NUDT18: variants seen among roughly 807,000 people sequenced by gnomAD.
NUDT18 encodes the protein 8-oxo-dGDP phosphatase NUDT18.
NUDT18 carries 26 observed loss-of-function variants against 27.6 expected under a neutral mutation model. That is an observed-to-expected ratio of 0.94 (90% CI 0.69 to 1.31). The LOEUF (loss-of-function observed/expected upper bound fraction) is 1.31. NUDT18 is among the 50% of genes most tolerant of loss of function. The pLI, the probability that NUDT18 is intolerant of heterozygous loss-of-function variation, is 0.00. For missense variants in NUDT18, 450 were observed against 433.4 expected (o/e 1.04, Z -0.34); for synonymous variants, 220 against 196.9 (o/e 1.12, Z -0.98).
Position 22,109,369 on chromosome 8 carries a change from G to GCTGCGGAGCCCGCTCCCGGTCC in NUDT18, c.-70_-69insGGACCGGGAGCGGGCTCCGCAG. On this transcript the variant is annotated 5_prime_UTR_variant, in exon 1 of 3. Coordinates refer to ENST00000611621, the MANE Select transcript of NUDT18 (RefSeq NM_024815.4). ...TGAGCCGAGCCGCGGGCTAGAGTGC[G>GCTGCGGAGCCCGCTCCCGGTCC]CTGCGGAGCCCGCTCCCAGTCCCTG... 1 of 712,746 alleles carries GCTGCGGAGCCCGCTCCCGGTCC rather than the reference G, an allele frequency of 1.4e-6. No homozygotes were observed. The highest frequency in any genetic ancestry group is 1.8e-6 in the Non-Finnish European group (1 of 557,186). 44.2% of individuals were successfully genotyped at this position (712,746 alleles called of 1,614,324 possible).
At position 22,107,404 on chromosome 8, in the gene NUDT18, C is replaced by T. The variant is rs750105633; in HGVS notation, c.868G>A (p.Val290Ile). Reference protein sequence around the residue: ...SPGIQDEPPKVRGENFSWWKV... With the variant: ...SPGIQDEPPKIRGENFSWWKV... ...CACCAAGAGAAGTTCTCACCCCGAACTTTTGGGGGTTCATCCTGGATCCCT... is the reference window on the plus strand; with the variant it reads ...CACCAAGAGAAGTTCTCACCCCGAATTTTTGGGGGTTCATCCTGGATCCCT... The change falls in exon 3 of 3, where the codon GTT becomes ATT. Residue 290 changes from valine to isoleucine, a missense_variant. Coordinates refer to ENST00000611621, the MANE Select transcript of NUDT18 (RefSeq NM_024815.4). The T allele has an allele frequency of 1.2e-6, 2 of 1,613,538 alleles. No individual in the cohort carries two copies. The highest frequency in any genetic ancestry group is 1.7e-6 in the Non-Finnish European group (2 of 1,179,858).
In NUDT18 at chr8:22,108,364, C is replaced by T. The variant is rs767041084; in HGVS notation, c.163-18G>A. ...ACCTCATCCTGAGAGGAGAGAGGAT[C>T]CTCACTTCCTGCCACAGCCTTCCCT... On this transcript the variant is annotated intron_variant, in intron 1 of 2. Transcript: ENST00000611621. 6.5e-7 allele frequency: 1 copy of T among 1,549,102 alleles called. No individual in the cohort carries two copies. Among genetic ancestry groups the T allele is most frequent in the Non-Finnish European group, 8.7e-7 (1 of 1,147,144 alleles).
At position 22,107,513 on chromosome 8, in the gene NUDT18, C is replaced by T. The variant is rs1228659063; in HGVS notation, c.759G>A (p.Gly253=). The T allele has an allele frequency of 1.2e-6, 2 of 1,613,042 alleles. No homozygotes were observed. Among genetic ancestry groups the T allele is most frequent in the East Asian group, 2.2e-5 (1 of 44,888 alleles). ...TLHHLVVEIK[G]LLGLQHLGRD... ...GGCCCAGGTGCTGCAGTCCAAGCAA[C>T]CCCTTGATCTCCACCACCAAGTGGT... The change falls in exon 3 of 3, where the codon GGG becomes GGA. Residue 253 remains glycine (G), a synonymous_variant. Transcript: ENST00000611621.
Position 22,107,083 on chromosome 8 carries a change from T to G in NUDT18, c.*217A>C. 1 of 543,196 alleles carries G rather than the reference T, an allele frequency of 1.8e-6. No homozygotes were observed. The allele number at this position is 543,196 out of a possible 1,614,324, so 33.6% of individuals were successfully genotyped here. A position where few individuals can be genotyped will look rare whatever the true frequency, so the allele number is the denominator to read the frequency against. ...TCAGCGTGCCCTCAGGGTAGTCAGG[T>G]CCTGAGCTTTGGACTCCTCGCTTGG... On this transcript the variant is annotated 3_prime_UTR_variant, in exon 3 of 3. Coordinates refer to ENST00000611621, the MANE Select transcript of NUDT18 (RefSeq NM_024815.4).
intron 1 of NUDT18, 85 bp from the exon 2 acceptor site, chr8:22,108,431 A>C: frequency 8.1e-7 from 1 of 1,240,026 alleles, no homozygotes; most frequent in African/African-American, 1.5e-5. Context: ...GTCGCCCAAG[A>C]CTCCCCTCTG....
At chr8:22,109,585 G>C (rs1420201327), upstream of NUDT18, 1 of 521,330 alleles carries the variant, frequency 1.9e-6, no homozygotes, top group Admixed American at 2.4e-5. Flanking sequence ...GGAGCCCAGC[G>C]GACCCCGCCC....
chr8:22,109,664 C>G (rs772759083), upstream of NUDT18: 2 of 467,182 alleles, frequency 4.3e-6, no homozygotes, highest in South Asian at 3.1e-5. Context: ...GCCAACTCCC[C>G]GAGCGCGCAC....
upstream of NUDT18, among the ~76,000 whole-genome samples, chr8:22,110,195 C>T (rs1373532574): frequency 6.6e-6 from 1 of 152,226 alleles, no homozygotes; most frequent in African/African-American, 2.4e-5. Context: ...AGATGGTGCG[C>T]CCTGGGAGGG....
Position 22,109,326 on chromosome 8 carries a change from G to C in NUDT18, c.-26C>G. On this transcript the variant is annotated 5_prime_UTR_variant, in exon 1 of 3. Coordinates refer to ENST00000611621, the MANE Select transcript of NUDT18 (RefSeq NM_024815.4). The stretch of plus-strand genomic sequence containing the variant: ...CGGGTCCCCCGGGGGGCGGCGGGCC[G>C]GATCCTCGCAGACCGACTGAGCCGA... The C allele has an allele frequency of 7.5e-7, 1 of 1,328,502 alleles. No individual in the cohort carries two copies. Among genetic ancestry groups the C allele is most frequent in the African/African-American group, 1.7e-5 (1 of 59,450 alleles). 82.3% of individuals were successfully genotyped at this position (1,328,502 alleles called of 1,614,324 possible).
In NUDT18 at chr8:22,109,411, G is replaced by A. The variant is rs1212579198; in HGVS notation, c.-111C>T. ...CAGTCCCTGCGGCAGCGGGCCGGGA[G>A]CTCACGAGAACGCGGAAGCGCACGC... is the stretch of plus-strand genomic sequence containing the variant. On this transcript the variant is annotated 5_prime_UTR_variant, in exon 1 of 3. Transcript: ENST00000611621. 1.5e-5 allele frequency: 5 copies of A among 341,992 alleles called. No individual in the cohort carries two copies. The highest frequency in any genetic ancestry group is 1.2e-4 in the African/African-American group (2 of 16,772). 21.2% of individuals were successfully genotyped at this position (341,992 alleles called of 1,614,324 possible). A position where few individuals can be genotyped will look rare whatever the true frequency, so the allele number is the denominator to read the frequency against.
chr8:22,109,456 A>AACGCGGAAGCGCAC, upstream of NUDT18: 1 of 611,274 alleles, frequency 1.6e-6, no homozygotes, highest in African/African-American at 2.2e-5. Context: ...AGCGCACGCG[A>AACGCGGAAGCGCAC]GCTCTGGCCG....
At chr8:22,109,694 C>T (rs1287249196), upstream of NUDT18, 2 of 462,740 alleles carry the variant, frequency 4.3e-6, no homozygotes, top group Middle Eastern at 3.2e-4. Context: ...GGAGCTCCGA[C>T]GGTGACGTCA....
chr8:22,109,626 C>T (rs771140160), upstream of NUDT18: 3 of 486,476 alleles, frequency 6.2e-6, no homozygotes, highest in South Asian at 4.7e-5. Context: ...CCCGTGCGCT[C>T]GGGACGTCTC....
At position 22,109,357 on chromosome 8, in the gene NUDT18, G is replaced by A. The variant is rs1826426161; in HGVS notation, c.-57C>T. 5 of 659,472 alleles carry A rather than the reference G, an allele frequency of 7.6e-6. No homozygotes were observed. The highest frequency in any genetic ancestry group is 6.6e-4 in the Middle Eastern group (1 of 1,506). 40.9% of individuals were successfully genotyped at this position (659,472 alleles called of 1,614,324 possible). On this transcript the variant is annotated 5_prime_UTR_variant, in exon 1 of 3. Coordinates refer to ENST00000611621, the MANE Select transcript of NUDT18 (RefSeq NM_024815.4). ...TCGCAGACCGACTGAGCCGAGCCGC[G>A]GGCTAGAGTGCGCTGCGGAGCCCGC...
chr8:22,107,570 G>A lies in NUDT18; in HGVS notation c.702C>T (p.Val234=), dbSNP rs2131740243. Residue 234 remains valine, a synonymous_variant, in exon 3 of 3, where the codon GTC becomes GTT. Coordinates refer to ENST00000611621, the MANE Select transcript of NUDT18 (RefSeq NM_024815.4). ...TCAGACACTCCTGCAGCAGCCGCAG[G>A]ACGGCCATCTTCATGCCACCCCTCT... ...MEQRGGMKMA[V]LRLLQECLTL... is the part of the protein sequence containing the mutation. The A allele has an allele frequency of 6.2e-7, 1 of 1,613,170 alleles. No homozygotes were observed. Among genetic ancestry groups the A allele is most frequent in the Non-Finnish European group, 8.5e-7 (1 of 1,179,868 alleles).
rs1242174527 is a variant in NUDT18 at position 22,107,802 on chromosome 8, T to A, written c.470A>T (p.His157Leu). ...TAGTTCAACCAGGTGCAGGATGTCA[T>A]GGGCTCGCAGCGGAGTGGGCAGGGA... ...RTSLPTPLRAHDILHLVELAA... is the reference protein window; with the variant it reads ...RTSLPTPLRALDILHLVELAA... Residue 157 changes from histidine to leucine, a missense_variant, in exon 3 of 3, where the codon CAT (histidine) becomes CTT (leucine). Coordinates refer to ENST00000611621, the MANE Select transcript of NUDT18 (RefSeq NM_024815.4). 1.2e-6 allele frequency: 2 copies of A among 1,613,358 alleles called. No individual in the cohort carries two copies. The highest frequency in any genetic ancestry group is 1.7e-5 in the Admixed American group (1 of 59,998).
intron 1 of NUDT18, 141 bp from the exon 2 acceptor site, chr8:22,108,487 G>T (rs944021651): frequency 7.5e-6 from 5 of 668,938 alleles, no homozygotes; most frequent in African/African-American, 1.9e-5. Flanking sequence ...ACCTGCCCTC[G>T]TGTCGCTGGG....
In NUDT18 at chr8:22,108,009, G is replaced by C. The variant is rs796757380; in HGVS notation, c.377-114C>G. On this transcript the variant is annotated intron_variant, in intron 2 of 2. Transcript: ENST00000611621. ...AGAGAGGCCCCCAGCCCAAAGGCTG[G>C]AATCTGCCCATGCCAGGCTGTGCCA... 1.5e-4 allele frequency: 205 copies of C among 1,359,110 alleles called. No individual in the cohort carries two copies. The African/African-American group carries it at 2.7e-3, about 18-fold the overall frequency. The allele number at this position is 1,359,110 out of a possible 1,614,324, so 84.2% of individuals were successfully genotyped here.
At chr8:22,109,753 GA>G (rs1563611324), upstream of NUDT18, 2 of 456,910 alleles carry the variant, frequency 4.4e-6, no homozygotes, top group South Asian at 1.6e-5. Context: ...ACGGTGACGC[GA>G]CAATCCGGTG....
Sources: allele counts gnomAD v4.1 joint callset (sites outside exome capture counted in the v4.1 genomes callset), GRCh38; gene constraint gnomAD v4.1.1; transcripts MANE v1.5; gene names NCBI Gene and HGNC (gene_info 2026-07-23, HGNC 2026-07-21).